Variants in SKAP2 observed in about 807,000 individuals in gnomAD.
The protein encoded by SKAP2 is src kinase-associated phosphoprotein 2.
In SKAP2, 28 loss-of-function variants were observed where a neutral mutation model predicts 54.9. That is an observed-to-expected ratio of 0.51 (90% CI 0.38 to 0.70). SKAP2 has a LOEUF of 0.70. Among genes scored for constraint, SKAP2 ranks in the 30% least tolerant of loss-of-function variants. SKAP2 has a pLI of 0.00. For missense variants in SKAP2, 356 were observed against 424.1 expected (o/e 0.84, Z 1.41); for synonymous variants, 137 against 134.3 (o/e 1.02, Z -0.14).
At chr7:26,730,479 T>C (rs1787799774) in intron 6 of SKAP2, among the ~76,000 whole-genome samples, 1 of 152,224 alleles carries the variant, frequency 6.6e-6, no homozygotes, top group Non-Finnish European at 1.5e-5. Context: ...TATACTTGCC[T>C]AACTTCTCAA....
Position 26,811,915 on chromosome 7 carries a change from T to C in SKAP2, c.307+32115A>G, listed in dbSNP as rs898065665. Among the ~76,000 whole-genome samples the C allele has an allele frequency of 4.6e-5, 7 of 152,338 alleles. No individual in the cohort carries two copies. The South Asian group carries it at 1.4e-3, about 32-fold the overall frequency. On this transcript the variant is annotated intron_variant, in intron 4 of 12. Transcript: ENST00000345317. ...CATCAAATTCCCATAATTTACCTTA[T>C]AAGTAAAATGCTAGCAAAAGCTATA... is the stretch of plus-strand genomic sequence containing the variant.
intron 11 of SKAP2, among the ~76,000 whole-genome samples, chr7:26,683,535 T>TGGATGGAAGGAAGGAAGGAA (rs1554293151): frequency 6.8e-6 from 1 of 147,058 alleles, no homozygotes; most frequent in African/African-American, 2.5e-5. Flanking sequence ...GATGGATGGA[T>TGGATGGAAGGAAGGAAGGAA]GGAAGGAAGG....
At chr7:26,701,704 G>T (rs368801907) in intron 9 of SKAP2, among the ~76,000 whole-genome samples, 2 of 151,842 alleles carry the variant, frequency 1.3e-5, no homozygotes, top group African/African-American at 2.4e-5. Context: ...TGGCCTGGGC[G>T]ACAGAACAAG....
intron 9 of SKAP2, among the ~76,000 whole-genome samples, chr7:26,715,682 G>A (rs1787416365): frequency 6.6e-6 from 1 of 152,100 alleles, no homozygotes; most frequent in African/African-American, 2.4e-5. Flanking sequence ...GGAAGGCTAA[G>A]GCAGGAAAAT....
intron 9 of SKAP2, among the ~76,000 whole-genome samples, chr7:26,709,806 A>G (rs1342389440): frequency 6.6e-6 from 1 of 152,178 alleles, no homozygotes; most frequent in African/African-American, 2.4e-5. Flanking sequence ...CTAGCCTGCC[A>G]TAGGGAACTG....
In SKAP2 at chr7:26,770,077, A is replaced by G. The variant is rs1021977748; in HGVS notation, c.308-30113T>C. On this transcript the variant is annotated intron_variant, in intron 4 of 12. Transcript: ENST00000345317. ...AGCCACCCATTCCCCCAGGTGCTCT[A>G]TCCCAGGGAGATGGGAGAGTTTTAT... Among the ~76,000 whole-genome samples the G allele has an allele frequency of 2.0e-5, 3 of 152,174 alleles. No homozygotes were observed. The East Asian group carries it at 5.8e-4, about 29-fold the overall frequency.
intron 4 of SKAP2, among the ~76,000 whole-genome samples, chr7:26,751,637 T>C (rs1332096545): frequency 2.0e-5 from 3 of 152,180 alleles, no homozygotes; most frequent in African/African-American, 4.8e-5. Flanking sequence ...GTATGCAATC[T>C]TTCTCCCCTC....
At chr7:26,717,485 G>A (rs930240200) in intron 9 of SKAP2, among the ~76,000 whole-genome samples, 2 of 112,622 alleles carry the variant, frequency 1.8e-5, no homozygotes, top group Non-Finnish European at 3.5e-5. Context: ...ATTCTAGCCT[G>A]GGTGACAGAG....
chr7:26,717,758 G>A (rs536164440), intron 9 of SKAP2, among the ~76,000 whole-genome samples: 30 of 150,716 alleles, frequency 2.0e-4, no homozygotes, highest in Admixed American at 6.6e-4. Context: ...CTTGAACCTC[G>A]GGGGTAGAGG....
At chr7:26,810,883 T>A (rs565846044) in intron 4 of SKAP2, among the ~76,000 whole-genome samples, 3 of 152,300 alleles carry the variant, frequency 2.0e-5, no homozygotes, top group South Asian at 2.1e-4. Flanking sequence ...GGTTTCACCA[T>A]GTTGCACAAG....
At chr7:26,838,145 T>C (rs1185449196) in intron 4 of SKAP2, among the ~76,000 whole-genome samples, 2 of 152,146 alleles carry the variant, frequency 1.3e-5, no homozygotes, top group African/African-American at 4.8e-5. Flanking sequence ...TAACCTACAT[T>C]TAACTTCCAG....
chr7:26,747,085 C>CA (rs2127964670), intron 4 of SKAP2, among the ~76,000 whole-genome samples: 1 of 152,214 alleles, frequency 6.6e-6, no homozygotes, highest in East Asian at 1.9e-4. Context: ...ATATATTCAA[C>CA]AGGCACCTCA....
intron 4 of SKAP2, among the ~76,000 whole-genome samples, chr7:26,781,134 T>C (rs1205898229): frequency 6.6e-6 from 1 of 152,152 alleles, no homozygotes; most frequent in East Asian, 1.9e-4. Context: ...CCAACAGACA[T>C]ACTTGTTATA....
At chr7:26,833,102 C>T (rs1784629380) in intron 4 of SKAP2, among the ~76,000 whole-genome samples, 1 of 151,936 alleles carries the variant, frequency 6.6e-6, no homozygotes, top group African/African-American at 2.4e-5. Flanking sequence ...CACCCCAGCA[C>T]CAAAAAAGTA....
intron 4 of SKAP2, among the ~76,000 whole-genome samples, chr7:26,754,359 G>A (rs1161748894): frequency 3.5e-5 from 2 of 56,522 alleles, no homozygotes; most frequent in Non-Finnish European, 2.9e-5. Flanking sequence ...GTGAGACTCC[G>A]TCACACACAC....
At chr7:26,705,258 A>G (rs1787132527) in intron 9 of SKAP2, among the ~76,000 whole-genome samples, 1 of 152,218 alleles carries the variant, frequency 6.6e-6, no homozygotes, top group African/African-American at 2.4e-5. Context: ...GTTAAAATAA[A>G]TGTTATGCCA....
intron 9 of SKAP2, among the ~76,000 whole-genome samples, chr7:26,714,743 T>C (rs1787394396): frequency 1.3e-5 from 2 of 152,242 alleles, no homozygotes; most frequent in Admixed American, 6.5e-5. Context: ...TGTGTTCGTG[T>C]GGCTATGTGT....
intron 4 of SKAP2, among the ~76,000 whole-genome samples, chr7:26,741,453 G>C (rs1782449969): frequency 6.6e-6 from 1 of 151,856 alleles, no homozygotes; most frequent in Non-Finnish European, 1.5e-5. Context: ...TCTGAGGTGG[G>C]AGGATCCCCC....
chr7:26,849,110 T>G (rs916361041), intron 3 of SKAP2, among the ~76,000 whole-genome samples: 1 of 152,178 alleles, frequency 6.6e-6, no homozygotes, highest in Non-Finnish European at 1.5e-5. Context: ...ACACACTATG[T>G]TAGGAAGGGT....
Sources: allele counts gnomAD v4.1 joint callset (sites outside exome capture counted in the v4.1 genomes callset), GRCh38; gene constraint gnomAD v4.1.1; transcripts MANE v1.5; gene names NCBI Gene and HGNC (gene_info 2026-07-23, HGNC 2026-07-21).